Variants in NALF1 observed in about 807,000 individuals in gnomAD.
NALF1 encodes family with sequence similarity 155 member A.
In NALF1, 3 loss-of-function variants were observed where a neutral mutation model predicts 48.4. The observed-to-expected ratio is 0.06, with a 90% CI of 0.03 to 0.16. The LOEUF (loss-of-function observed/expected upper bound fraction) is 0.16. NALF1 is among the 10% of genes least tolerant of loss of function. The probability of loss-of-function intolerance (pLI) is 1.00; values close to 1 mark genes in which losing one functional copy is unlikely to be tolerated. For missense variants in NALF1, 526 were observed against 571.5 expected, an observed-to-expected ratio of 0.92 and a Z score of 0.81; for synonymous variants, 262 against 245.7, an observed-to-expected ratio of 1.07 and a Z score of -0.62.
At chr13:107,617,742 T>C (rs928167081) in intron 1 of NALF1, among the ~76,000 whole-genome samples, 5 of 152,156 alleles carry the variant, frequency 3.3e-5, no homozygotes, top group African/African-American at 1.2e-4. Flanking sequence ...ATCACTTGTT[T>C]CAGGAGTGCT....
intron 1 of NALF1, among the ~76,000 whole-genome samples, chr13:107,529,471 T>C (rs1203075376): frequency 6.6e-6 from 1 of 152,140 alleles, no homozygotes; most frequent in Non-Finnish European, 1.5e-5. Flanking sequence ...AGCAAATTAT[T>C]TGGTAATCTT....
intron 1 of NALF1, among the ~76,000 whole-genome samples, chr13:107,671,559 T>C (rs997412586): frequency 6.6e-6 from 1 of 152,076 alleles, no homozygotes; most frequent in Non-Finnish European, 1.5e-5. Flanking sequence ...ATATCAAAGG[T>C]AGAAACAACT....
At chr13:107,743,269 G>A (rs1297343690) in intron 1 of NALF1, among the ~76,000 whole-genome samples, 1 of 152,120 alleles carries the variant, frequency 6.6e-6, no homozygotes, top group Non-Finnish European at 1.5e-5. Flanking sequence ...CTTTCCTGCA[G>A]TTTTGTATAA....
intron 1 of NALF1, among the ~76,000 whole-genome samples, chr13:107,401,341 G>C (rs892818094): frequency 6.6e-6 from 1 of 152,132 alleles, no homozygotes; most frequent in Non-Finnish European, 1.5e-5. Flanking sequence ...GAGTCTTGGG[G>C]TATATCCTCC....
chr13:107,850,815 A>C (rs1880291546), intron 1 of NALF1, among the ~76,000 whole-genome samples: 1 of 152,086 alleles, frequency 6.6e-6, no homozygotes, highest in Non-Finnish European at 1.5e-5. Context: ...AGGCAAGAGA[A>C]TCACTTGAAC....
intron 1 of NALF1, among the ~76,000 whole-genome samples, chr13:107,716,060 T>C (rs1875807872): frequency 6.6e-6 from 1 of 152,098 alleles, no homozygotes; most frequent in Non-Finnish European, 1.5e-5. Context: ...ACTTAGGGTG[T>C]CCATCTCAGG....
chr13:107,780,561 T>G (rs1176872606), intron 1 of NALF1, among the ~76,000 whole-genome samples: 9 of 151,942 alleles, frequency 5.9e-5, no homozygotes, highest in African/African-American at 2.2e-4. Flanking sequence ...TGCAATGATG[T>G]GATCTCGGCT....
At chr13:107,841,105 C>T (rs1201262208) in intron 1 of NALF1, among the ~76,000 whole-genome samples, 1 of 152,166 alleles carries the variant, frequency 6.6e-6, no homozygotes. Context: ...AATTGCACAA[C>T]TATTATGGCC....
intron 1 of NALF1, among the ~76,000 whole-genome samples, chr13:107,619,297 A>C (rs529214570): frequency 6.6e-6 from 1 of 152,288 alleles, no homozygotes; most frequent in Non-Finnish European, 1.5e-5. Context: ...GAGTGAAAGC[A>C]CTCAGGCAGT....
At chr13:107,206,378 T>C (rs1353044878) in intron 2 of NALF1, among the ~76,000 whole-genome samples, 4 of 152,210 alleles carry the variant, frequency 2.6e-5, no homozygotes, top group Non-Finnish European at 4.4e-5. Flanking sequence ...TCTATAGTAA[T>C]GGACATGCAT....
rs188063713 is a variant in NALF1 at position 107,568,231 on chromosome 13, T to C, written c.915+297451A>G. 2.4e-4 allele frequency among the ~76,000 whole-genome samples: 37 copies of C among 152,344 alleles called. 1 individual carries two copies. In the East Asian group the frequency reaches 7.1e-3, roughly 29 times the overall value. On this transcript the variant is annotated intron_variant, in intron 1 of 2. Coordinates refer to ENST00000375915, the MANE Select transcript of NALF1 (RefSeq NM_001080396.3). Reference sequence around the variant, plus strand: ...CCTGGGCTCAAGGAATCCTCCCACCTTGGCCTCCCATAATGTTAGGATTAT... The same window carrying C: ...CCTGGGCTCAAGGAATCCTCCCACCCTGGCCTCCCATAATGTTAGGATTAT...
intron 2 of NALF1, among the ~76,000 whole-genome samples, chr13:107,179,048 GATACCTGCAC>G (rs1879005571): frequency 6.6e-6 from 1 of 152,146 alleles, no homozygotes; most frequent in Admixed American, 6.5e-5. Flanking sequence ...ATACGGAAGA[GATACCTGCAC>G]TCCCACGTTT....
At chr13:107,613,008 A>AC (rs1879278665) in intron 1 of NALF1, among the ~76,000 whole-genome samples, 1 of 150,950 alleles carries the variant, frequency 6.6e-6, no homozygotes, top group Non-Finnish European at 1.5e-5. Flanking sequence ...ATGAGAAAAA[A>AC]AAAAAAGAAA....
chr13:107,818,257 C>T (rs1298100072), intron 1 of NALF1, among the ~76,000 whole-genome samples: 1 of 152,112 alleles, frequency 6.6e-6, no homozygotes, highest in Non-Finnish European at 1.5e-5. Flanking sequence ...TAACTCTGCC[C>T]ACCTGCTGCT....
At chr13:107,731,502 A>G (rs2138536070) in intron 1 of NALF1, among the ~76,000 whole-genome samples, 1 of 152,200 alleles carries the variant, frequency 6.6e-6, no homozygotes, top group Middle Eastern at 3.4e-3. Flanking sequence ...GTCACCCAGT[A>G]TTAAGTCTAG....
At chr13:107,759,784 G>A (rs185395414) in intron 1 of NALF1, among the ~76,000 whole-genome samples, 12 of 151,166 alleles carry the variant, frequency 7.9e-5, no homozygotes, top group Middle Eastern at 3.4e-3. Flanking sequence ...TTTTTTCTGG[G>A]ACTTAGTTAA....
At chr13:107,430,800 T>A (rs961170514) in intron 1 of NALF1, among the ~76,000 whole-genome samples, 3 of 152,212 alleles carry the variant, frequency 2.0e-5, no homozygotes, top group Non-Finnish European at 4.4e-5. Flanking sequence ...TTTATAGTCC[T>A]TTGGGTATAT....
At chr13:107,664,167 G>T (rs1270400829) in intron 1 of NALF1, among the ~76,000 whole-genome samples, 2 of 152,140 alleles carry the variant, frequency 1.3e-5, no homozygotes, top group Non-Finnish European at 2.9e-5. Flanking sequence ...ATTTCAATTA[G>T]TGAGGACTCC....
At chr13:107,219,998 T>TA (rs1383943497) in intron 1 of NALF1, among the ~76,000 whole-genome samples, 1 of 152,212 alleles carries the variant, frequency 6.6e-6, no homozygotes, top group Admixed American at 6.5e-5. Flanking sequence ...TTCTTGGCCA[T>TA]ATTGTCAGGT....
Sources: gnomAD v4.1 joint callset for allele counts (sites outside exome capture counted in the v4.1 genomes callset) on GRCh38, gnomAD v4.1.1 for gene constraint, MANE v1.5 for transcripts, NCBI Gene and HGNC (gene_info 2026-07-23, HGNC 2026-07-21) for gene names.